CERKL: variants seen among roughly 807,000 people sequenced by gnomAD.
CERKL encodes the protein ceramide kinase-like protein.
In CERKL, 61 loss-of-function variants were observed where a neutral mutation model predicts 63.4. The ratio of observed to expected loss-of-function variants is 0.96; its 90% CI spans 0.78 to 1.19. The LOEUF is 1.19. Ranked by LOEUF, CERKL falls within the 50% of genes most tolerant of loss-of-function variation. The probability of loss-of-function intolerance (pLI) is 0.00; values close to 1 mark genes in which losing one functional copy is unlikely to be tolerated. For missense variants in CERKL, 675 were observed against 655.5 expected (o/e 1.03, Z -0.33); for synonymous variants, 250 against 230.5 (o/e 1.08, Z -0.77).
intron 3 of CERKL, among the ~76,000 whole-genome samples, chr2:181,567,570 T>C (rs1559081416): frequency 6.6e-6 from 1 of 152,046 alleles, no homozygotes; most frequent in African/African-American, 2.4e-5. Context: ...TTAAGTAACA[T>C]TGCAAAAGTC....
Position 181,547,624 on chromosome 2 carries a change from T to TTAGGTGCCAAGCCTC in CERKL, c.1247_1261dup (p.Arg416_Pro420dup). The TTAGGTGCCAAGCCTC allele has an allele frequency of 6.2e-7, 1 of 1,613,402 alleles. No homozygotes were observed. Among genetic ancestry groups the TTAGGTGCCAAGCCTC allele is most frequent in the Non-Finnish European group, 8.5e-7 (1 of 1,179,412 alleles). ...AATAAAAATGCTTACTAACCTGGTA[T>TTAGGTGCCAAGCCTC]TAGGTGCCAAGCCTCTAGGTGCCAC... is the stretch of plus-strand genomic sequence containing the variant. On this transcript the variant is annotated inframe_insertion, in exon 10 of 13. Coordinates refer to ENST00000410087, the MANE Select transcript of CERKL (RefSeq NM_201548.5).
At chr2:181,636,434 C>G (rs1687182204) in intron 1 of CERKL, among the ~76,000 whole-genome samples, 1 of 151,814 alleles carries the variant, frequency 6.6e-6, no homozygotes, top group Non-Finnish European at 1.5e-5. Flanking sequence ...CAGTGTGGAG[C>G]CCATTTATAA....
intron 1 of CERKL, among the ~76,000 whole-genome samples, chr2:181,643,581 T>A (rs910140463): frequency 6.6e-6 from 1 of 152,264 alleles, no homozygotes; most frequent in Non-Finnish European, 1.5e-5. Flanking sequence ...TGGTAAGAAT[T>A]GTTTTGTGAA....
In CERKL at chr2:181,537,035, G is replaced by A. The variant is rs1190515051; in HGVS notation, c.*1149C>T. 1 of 444,468 alleles carries A rather than the reference G, an allele frequency of 2.2e-6. No homozygotes were observed. Among genetic ancestry groups the A allele is most frequent in the Non-Finnish European group, 4.5e-6 (1 of 221,858 alleles). 27.5% of individuals were successfully genotyped at this position (444,468 alleles called of 1,614,324 possible). On this transcript the variant is annotated 3_prime_UTR_variant, in exon 13 of 13. Coordinates refer to ENST00000410087, the MANE Select transcript of CERKL (RefSeq NM_201548.5). ...TGAGGAATGTTCTGAGATTTGCGAA[G>A]GCATTTGAGTAGTGAAATGTAAGCA...
intron 1 of CERKL, among the ~76,000 whole-genome samples, chr2:181,616,374 C>G (rs112897827): frequency 2.6e-5 from 4 of 151,966 alleles, no homozygotes; most frequent in South Asian, 2.1e-4. Flanking sequence ...CCACCATGCC[C>G]GGCTAATTTT....
At chr2:181,615,551 G>A in intron 1 of CERKL, among the ~76,000 whole-genome samples, 1 of 152,168 alleles carries the variant, frequency 6.6e-6, no homozygotes, top group East Asian at 1.9e-4. Context: ...CCTGATAGAT[G>A]GCTCCCACAA....
chr2:181,644,203 G>T (rs1005661867), intron 1 of CERKL, among the ~76,000 whole-genome samples: 4 of 152,326 alleles, frequency 2.6e-5, no homozygotes, highest in Admixed American at 6.5e-5. Context: ...ACCATACTGG[G>T]GGTTGGCCCC....
At chr2:181,599,784 A>C (rs368420411) in intron 2 of CERKL, among the ~76,000 whole-genome samples, 3 of 152,284 alleles carry the variant, frequency 2.0e-5, no homozygotes, top group African/African-American at 7.2e-5. Flanking sequence ...AACATATTTG[A>C]GGCAATAATT....
At chr2:181,655,354 T>C (rs910628811) in intron 1 of CERKL, among the ~76,000 whole-genome samples, 4 of 152,260 alleles carry the variant, frequency 2.6e-5, no homozygotes, top group Non-Finnish European at 4.4e-5. Context: ...TTTAATTCTA[T>C]AGCATTTCAG....
chr2:181,551,160 A>G (rs1373016099), intron 5 of CERKL, among the ~76,000 whole-genome samples: 1 of 152,176 alleles, frequency 6.6e-6, no homozygotes, highest in African/African-American at 2.4e-5. Context: ...CGGAAGCTAA[A>G]TTGCCTTTGT....
intron 1 of CERKL, among the ~76,000 whole-genome samples, chr2:181,634,115 C>T (rs921561250): frequency 9.9e-5 from 15 of 152,108 alleles, no homozygotes; most frequent in Middle Eastern, 3.2e-3. Context: ...TAGACAGCTT[C>T]GGTTTCTCTC....
intron 5 of CERKL, among the ~76,000 whole-genome samples, chr2:181,555,037 C>T (rs940284322): frequency 3.3e-5 from 5 of 152,112 alleles, no homozygotes; most frequent in Non-Finnish European, 7.3e-5. Flanking sequence ...ACATAAAATG[C>T]TCCCCAAATC....
At chr2:181,645,339 T>G (rs1343319006) in intron 1 of CERKL, among the ~76,000 whole-genome samples, 1 of 152,232 alleles carries the variant, frequency 6.6e-6, no homozygotes, top group Non-Finnish European at 1.5e-5. Context: ...ATTCATTCAT[T>G]CAATAAATAT....
intron 1 of CERKL, among the ~76,000 whole-genome samples, chr2:181,606,261 G>T: frequency 1.1e-5 from 1 of 94,546 alleles, no homozygotes. Context: ...AGGAAGACAG[G>T]GAGTGGGGGG....
intron 1 of CERKL, among the ~76,000 whole-genome samples, chr2:181,608,147 G>C (rs1685797137): frequency 6.6e-6 from 1 of 151,944 alleles, no homozygotes; most frequent in Admixed American, 6.6e-5. Context: ...TGGGACCACA[G>C]GTGTGCATCA....
intron 5 of CERKL, among the ~76,000 whole-genome samples, chr2:181,553,734 A>T (rs140216432): frequency 9.8e-5 from 15 of 152,312 alleles, no homozygotes; most frequent in African/African-American, 3.4e-4. Flanking sequence ...CTACTCATTA[A>T]TCTGTATCTT....
chr2:181,601,365 G>C (rs1228077704), intron 2 of CERKL, among the ~76,000 whole-genome samples: 1 of 152,128 alleles, frequency 6.6e-6, no homozygotes, highest in African/African-American at 2.4e-5. Context: ...TTCAAGACCA[G>C]CCTGGCCAAC....
chr2:181,614,138 C>T (rs1686089905), intron 1 of CERKL, among the ~76,000 whole-genome samples: 1 of 152,104 alleles, frequency 6.6e-6, no homozygotes, highest in African/African-American at 2.4e-5. Context: ...AGGCCACTGG[C>T]TTCCTAGACT....
At chr2:181,653,965 T>C (rs1006760985) in intron 1 of CERKL, among the ~76,000 whole-genome samples, 3 of 152,204 alleles carry the variant, frequency 2.0e-5, no homozygotes, top group African/African-American at 7.2e-5. Context: ...ACTAACTACT[T>C]TGATTGGATA....
Sources: gnomAD v4.1 joint callset for allele counts (sites outside exome capture counted in the v4.1 genomes callset) on GRCh38, gnomAD v4.1.1 for gene constraint, MANE v1.5 for transcripts, NCBI Gene and HGNC (gene_info 2026-07-23, HGNC 2026-07-21) for gene names.